Variants in COL23A1 observed in about 807,000 individuals in gnomAD.
COL23A1 encodes collagen type XXIII alpha 1 chain.
COL23A1 carries 97 observed loss-of-function variants against 99.3 expected under a neutral mutation model. The ratio of observed to expected loss-of-function variants is 0.98; its 90% CI spans 0.83 to 1.16. The LOEUF (loss-of-function observed/expected upper bound fraction) is 1.16, where lower values mean the gene tolerates loss of function less well. COL23A1 is among the 50% of genes most tolerant of loss of function. The pLI is 0.00. For synonymous variants in COL23A1, 320 were observed against 308.2 expected (o/e 1.04, Z -0.40); for missense variants, 762 against 757.4 (o/e 1.01, Z -0.07).
intron 2 of COL23A1, among the ~76,000 whole-genome samples, chr5:178,445,058 C>A (rs1648299514): frequency 6.6e-6 from 1 of 152,086 alleles, no homozygotes; most frequent in African/African-American, 2.4e-5. Context: ...ATATCCTAAA[C>A]AAAACATTAG....
At chr5:178,409,174 A>G (rs1764936651) in intron 2 of COL23A1, among the ~76,000 whole-genome samples, 2 of 152,148 alleles carry the variant, frequency 1.3e-5, no homozygotes, top group African/African-American at 4.8e-5. Flanking sequence ...ATATCCAACA[A>G]TAAGTAGGTG....
intron 2 of COL23A1, among the ~76,000 whole-genome samples, chr5:178,482,558 G>A (rs1278282098): frequency 6.6e-6 from 1 of 152,148 alleles, no homozygotes; most frequent in Non-Finnish European, 1.5e-5. Flanking sequence ...CAATGTGAAT[G>A]CAGTTAATGC....
chr5:178,410,749 G>T (rs183436845), intron 2 of COL23A1, among the ~76,000 whole-genome samples: 1 of 152,178 alleles, frequency 6.6e-6, no homozygotes, highest in East Asian at 1.9e-4. Context: ...TACATGCAAC[G>T]AAAGAAAAAC....
intron 2 of COL23A1, among the ~76,000 whole-genome samples, chr5:178,559,841 A>T (rs1307913833): frequency 1.3e-5 from 2 of 149,288 alleles, no homozygotes; most frequent in Admixed American, 1.3e-4. Flanking sequence ...CACGTCGAGA[A>T]GTCTGAGACA....
intron 1 of COL23A1, among the ~76,000 whole-genome samples, chr5:178,580,098 C>A (rs558020773): frequency 9.3e-4 from 142 of 152,182 alleles, no homozygotes; most frequent in African/African-American, 3.3e-3. Context: ...GAGGCCAAGG[C>A]GGGTGGATCA....
chr5:178,552,439 G>A (rs1386410298), intron 2 of COL23A1, among the ~76,000 whole-genome samples: 1 of 152,038 alleles, frequency 6.6e-6, no homozygotes, highest in East Asian at 1.9e-4. Flanking sequence ...ACATACCAAG[G>A]TAGCTGCCTT....
intron 2 of COL23A1, among the ~76,000 whole-genome samples, chr5:178,393,015 C>G (rs1764046820): frequency 6.6e-6 from 1 of 152,218 alleles, no homozygotes; most frequent in South Asian, 2.1e-4. Flanking sequence ...CAGAGAGACT[C>G]AGGCAGGACA....
intron 1 of COL23A1, among the ~76,000 whole-genome samples, chr5:178,572,855 T>C (rs1763175782): frequency 6.6e-6 from 1 of 152,254 alleles, no homozygotes; most frequent in Non-Finnish European, 1.5e-5. Context: ...TGAAAAAGAA[T>C]GAATTAACTA....
At chr5:178,377,292 C>T (rs1763122649) in intron 2 of COL23A1, among the ~76,000 whole-genome samples, 1 of 152,228 alleles carries the variant, frequency 6.6e-6, no homozygotes, top group South Asian at 2.1e-4. Context: ...CCATGTCTTT[C>T]CTTCCTGGCT....
intron 2 of COL23A1, among the ~76,000 whole-genome samples, chr5:178,403,140 A>AAAAAAAAAAAAAAAAG (rs1651539889): frequency 6.8e-6 from 1 of 147,952 alleles, no homozygotes; most frequent in Non-Finnish European, 1.5e-5. Context: ...ATAAAAAATA[A>AAAAAAAAAAAAAAAAG]ATACCATTTA....
chr5:178,523,197 TATATAGAG>T lies in COL23A1; in HGVS notation c.361+37477_361+37484del, dbSNP rs1249885004. Among the ~76,000 whole-genome samples the T allele has an allele frequency of 1.7e-3, 128 of 73,750 alleles. 2 individuals carry two copies. The highest frequency in any genetic ancestry group is 3.9e-3 in the Admixed American group (22 of 5,580). The allele number at this position is 73,750 out of a possible 152,430, so 48.4% of individuals were successfully genotyped here. Reference sequence around the variant, plus strand: ...ATATATACACATATATATATATATATATATAGAGAGAGAGAGAGAGAGAGAGAGACAGA... The same window carrying T: ...ATATATACACATATATATATATATATAGAGAGAGAGAGAGAGAGAGACAGA... On this transcript the variant is annotated intron_variant, in intron 2 of 28. Coordinates refer to ENST00000390654, the MANE Select transcript of COL23A1 (RefSeq NM_173465.4).
At chr5:178,338,367 C>A (rs1760463294) in intron 2 of COL23A1, among the ~76,000 whole-genome samples, 1 of 152,200 alleles carries the variant, frequency 6.6e-6, no homozygotes, top group Non-Finnish European at 1.5e-5. Flanking sequence ...CAGAATGAAG[C>A]CCCAGGGACA....
chr5:178,558,217 C>G (rs1477527583), intron 2 of COL23A1, among the ~76,000 whole-genome samples: 20 of 152,098 alleles, frequency 1.3e-4, no homozygotes, highest in Admixed American at 9.2e-4. Flanking sequence ...AGGCAGGACA[C>G]AGGTCCATCT....
intron 3 of COL23A1, among the ~76,000 whole-genome samples, chr5:178,293,367 T>C (rs779790670): frequency 1.3e-5 from 2 of 151,998 alleles, no homozygotes; most frequent in Non-Finnish European, 2.9e-5. Flanking sequence ...CTGGTGCTGC[T>C]AGGCATGTGC....
At chr5:178,510,679 AAAAAAT>A (rs1162485738) in intron 2 of COL23A1, among the ~76,000 whole-genome samples, 6 of 21,872 alleles carry the variant, frequency 2.7e-4, no homozygotes, top group Non-Finnish European at 7.4e-4. Flanking sequence ...ATAATAAAAT[AAAAAAT>A]AAAAATAAAA....
In COL23A1 at chr5:178,384,443, C is replaced by A. The variant is rs1232522445; in HGVS notation, c.362-77524G>T. ...GTAAACCAGGCTTCGGCTTTCCAAGCCAGACCTCTCCTCCCTGCCCACCCC... is the reference window on the plus strand; with the variant it reads ...GTAAACCAGGCTTCGGCTTTCCAAGACAGACCTCTCCTCCCTGCCCACCCC... On this transcript the variant is annotated intron_variant, in intron 2 of 28. Transcript: ENST00000390654. This position sits in a 1 kb window ranked among gnomAD's most constrained non-coding sequence, Gnocchi z 5.5. 6.6e-6 allele frequency among the ~76,000 whole-genome samples: 1 copy of A among 152,238 alleles called. No individual in the cohort carries two copies. Among genetic ancestry groups the A allele is most frequent in the Non-Finnish European group, 1.5e-5 (1 of 68,038 alleles).
At chr5:178,331,713 G>T (rs368167701) in intron 2 of COL23A1, among the ~76,000 whole-genome samples, 1 of 152,334 alleles carries the variant, frequency 6.6e-6, no homozygotes, top group African/African-American at 2.4e-5. Flanking sequence ...CATGTGCAGA[G>T]TTTTTCATCT....
rs1759504789 is a variant in COL23A1 at position 178,516,237 on chromosome 5, A to T, written c.361+44445T>A. Among the ~76,000 whole-genome samples the T allele has an allele frequency of 3.3e-5, 5 of 152,040 alleles. No individual in the cohort carries two copies. The South Asian group carries it at 1.0e-3, about 32-fold the overall frequency. On this transcript the variant is annotated intron_variant, in intron 2 of 28. Transcript: ENST00000390654. ...CCTCTCCCCTCTGTTGTCTAATGAC[A>T]CCCAAACACCTGCAGAAGAATCGCC...
chr5:178,543,280 T>A (rs1761396203), intron 2 of COL23A1, among the ~76,000 whole-genome samples: 1 of 152,108 alleles, frequency 6.6e-6, no homozygotes, highest in Non-Finnish European at 1.5e-5. Context: ...GCTAATTTTG[T>A]ATTTTTAGTA....
Sources: allele counts gnomAD v4.1 joint callset (sites outside exome capture counted in the v4.1 genomes callset), GRCh38; gene constraint gnomAD v4.1.1; non-coding constraint Gnocchi (gnomAD v3.1); transcripts MANE v1.5; gene names NCBI Gene and HGNC (gene_info 2026-07-23, HGNC 2026-07-21).